Variants in ARHGAP24 observed in about 807,000 individuals in gnomAD.
ARHGAP24 encodes Rho GTPase activating protein 24, also known as rho GTPase-activating protein 24.
ARHGAP24 carries 50 observed loss-of-function variants against 76.4 expected under a neutral mutation model. The observed-to-expected ratio is 0.65, with a 90% confidence interval of 0.52 to 0.83. ARHGAP24 has a LOEUF of 0.83. ARHGAP24 is among the 40% of genes least tolerant of loss of function. ARHGAP24 has a pLI of 0.00. For synonymous variants in ARHGAP24, 345 were observed against 323.3 expected (o/e 1.07, Z -0.72); for missense variants, 930 against 914.2 (o/e 1.02, Z -0.22).
chr4:85,476,329 G>A (rs1722597469), intron 1 of ARHGAP24, among the ~76,000 whole-genome samples: 2 of 152,000 alleles, frequency 1.3e-5, no homozygotes, highest in South Asian at 4.2e-4. Flanking sequence ...GTAATAGGGA[G>A]CCCAGACTTC....
rs1329363041 is a variant in ARHGAP24, at chr4:85,507,519, CTG to C, written c.-21+31962_-21+31963del. Among the ~76,000 whole-genome samples the C allele has an allele frequency of 2.0e-5, 3 of 152,282 alleles. No individual in the cohort carries two copies. The East Asian group carries it at 5.8e-4, about 29-fold the overall frequency. On this transcript the variant is annotated intron_variant, in intron 1 of 9. Transcript: ENST00000395184. ...TGTGAATGTCATCAGTGATAAGTGT[CTG>C]TATAAATAACTGACATTCCCATCAG...
chr4:85,487,477 ATAT>A (rs1383036412), intron 1 of ARHGAP24, among the ~76,000 whole-genome samples: 2 of 106,944 alleles, frequency 1.9e-5, no homozygotes, highest in South Asian at 2.9e-4. Flanking sequence ...TATTTATTAC[ATAT>A]TATATAAACA....
At chr4:85,799,907 C>T (rs747360217) in intron 3 of ARHGAP24, among the ~76,000 whole-genome samples, 25 of 152,112 alleles carry the variant, frequency 1.6e-4, no homozygotes, top group Non-Finnish European at 2.9e-4. Context: ...AACTCAAATT[C>T]AGGGGCAGTC....
chr4:85,864,678 A>G (rs1732094942), intron 3 of ARHGAP24, among the ~76,000 whole-genome samples: 1 of 151,918 alleles, frequency 6.6e-6, no homozygotes, highest in Non-Finnish European at 1.5e-5. Flanking sequence ...GAAAATGTAA[A>G]TGATAGGATG....
At chr4:85,981,288 C>T (rs1739652382) in intron 8 of ARHGAP24, among the ~76,000 whole-genome samples, 1 of 152,198 alleles carries the variant, frequency 6.6e-6, no homozygotes, top group African/African-American at 2.4e-5. Flanking sequence ...TCAAGAAATA[C>T]AGCTGTCAGA....
At chr4:85,496,402 T>C (rs973887011) in intron 1 of ARHGAP24, among the ~76,000 whole-genome samples, 3 of 152,246 alleles carry the variant, frequency 2.0e-5, no homozygotes, top group Non-Finnish European at 4.4e-5. Context: ...ACTGTGAATA[T>C]GTGCACAGGA....
intron 1 of ARHGAP24, among the ~76,000 whole-genome samples, chr4:85,505,611 T>C (rs1724012085): frequency 6.6e-6 from 1 of 152,128 alleles, no homozygotes; most frequent in South Asian, 2.1e-4. Flanking sequence ...TTGTTCCAGT[T>C]AGCCATTTGT....
intron 3 of ARHGAP24, among the ~76,000 whole-genome samples, chr4:85,752,618 C>T (rs1204603834): frequency 1.3e-5 from 2 of 152,082 alleles, no homozygotes; most frequent in African/African-American, 2.4e-5. Context: ...GAAGGGAGCA[C>T]CACAGGAGCT....
rs183110962 is a variant in ARHGAP24 at position 85,980,453 on chromosome 4, T to A, written c.928+2762T>A. On this transcript the variant is annotated intron_variant, in intron 8 of 9. Transcript: ENST00000395184. ...AATTAGAACATCTCATAATTAATCA[T>A]TTGCTCTATAACTCGTCACACACAC... 4.6e-5 allele frequency among the ~76,000 whole-genome samples: 7 copies of A among 152,318 alleles called. No individual in the cohort carries two copies. The East Asian group carries it at 1.4e-3, about 29-fold the overall frequency.
intron 1 of ARHGAP24, among the ~76,000 whole-genome samples, chr4:85,513,590 G>A (rs1223542034): frequency 1.3e-5 from 2 of 151,358 alleles, no homozygotes; most frequent in East Asian, 1.9e-4. Context: ...ATTTTTAAAT[G>A]ACCTGGTCTC....
chr4:85,730,962 T>C (rs1725375816), intron 3 of ARHGAP24, among the ~76,000 whole-genome samples: 1 of 151,096 alleles, frequency 6.6e-6, no homozygotes, highest in African/African-American at 2.4e-5. Flanking sequence ...AGGCATTATA[T>C]ACAATGACTC....
chr4:85,516,582 G>A (rs1724511665), intron 1 of ARHGAP24, among the ~76,000 whole-genome samples: 2 of 150,262 alleles, frequency 1.3e-5, no homozygotes, highest in Non-Finnish European at 3.0e-5. Flanking sequence ...CAAGAAATTT[G>A]TATGTATTTT....
At position 85,596,973 on chromosome 4, in the gene ARHGAP24, G is replaced by A. The variant is rs529862917; in HGVS notation, c.180+26252G>A. 2.6e-5 allele frequency among the ~76,000 whole-genome samples: 4 copies of A among 152,082 alleles called. No homozygotes were observed. The East Asian group carries it at 7.7e-4, about 29-fold the overall frequency. ...TTAAAAACATATAAATCCATCGTTT[G>A]TAAACAAAAAGAAGATATCCACATT... On this transcript the variant is annotated intron_variant, in intron 2 of 9. Coordinates refer to ENST00000395184, the MANE Select transcript of ARHGAP24 (RefSeq NM_001025616.3).
At chr4:85,856,968 G>T (rs977345826) in intron 3 of ARHGAP24, among the ~76,000 whole-genome samples, 4 of 151,830 alleles carry the variant, frequency 2.6e-5, no homozygotes, top group Admixed American at 6.6e-5. Context: ...TAAACATCTC[G>T]TGAATGTAGA....
At chr4:85,528,962 T>C (rs1389559669) in intron 1 of ARHGAP24, among the ~76,000 whole-genome samples, 1 of 152,038 alleles carries the variant, frequency 6.6e-6, no homozygotes, top group Non-Finnish European at 1.5e-5. Context: ...TGCTTGTCTA[T>C]TCAATACTAT....
At chr4:85,814,498 C>G (rs1225542247) in intron 3 of ARHGAP24, among the ~76,000 whole-genome samples, 1 of 152,136 alleles carries the variant, frequency 6.6e-6, no homozygotes, top group Non-Finnish European at 1.5e-5. Context: ...ACAGAGTACC[C>G]CATGCAAGTC....
chr4:85,970,405 C>T (rs1560754357), intron 5 of ARHGAP24, among the ~76,000 whole-genome samples: 1 of 152,174 alleles, frequency 6.6e-6, no homozygotes, highest in African/African-American at 2.4e-5. Context: ...TAATCACATA[C>T]TTGTCTTATT....
chr4:85,492,549 A>T (rs1036141930), intron 1 of ARHGAP24, among the ~76,000 whole-genome samples: 1 of 152,228 alleles, frequency 6.6e-6, no homozygotes, highest in Non-Finnish European at 1.5e-5. Flanking sequence ...GTGCCAAGCC[A>T]CTTAAAACAT....
chr4:85,936,570 A>G (rs971639377), intron 4 of ARHGAP24, among the ~76,000 whole-genome samples: 1 of 152,092 alleles, frequency 6.6e-6, no homozygotes, highest in African/African-American at 2.4e-5. Flanking sequence ...TATTATAATA[A>G]TAATAAATGT....
Sources: gnomAD v4.1 joint callset for allele counts (sites outside exome capture counted in the v4.1 genomes callset) on GRCh38, gnomAD v4.1.1 for gene constraint, MANE v1.5 for transcripts, NCBI Gene and HGNC (gene_info 2026-07-23, HGNC 2026-07-21) for gene names.